Variants in KRT75 observed in about 807,000 individuals in gnomAD.
KRT75 encodes the protein keratin 75, also known as keratin, type II cytoskeletal 75.
KRT75 carries 35 observed loss-of-function variants against 48.8 expected under a neutral mutation model. The observed-to-expected ratio is 0.72, with a 90% CI of 0.55 to 0.95. KRT75 has a LOEUF of 0.95. Among genes scored for constraint, KRT75 ranks in the 40% least tolerant of loss-of-function variants. The probability of loss-of-function intolerance (pLI) is 0.00; values close to 1 mark genes in which losing one functional copy is unlikely to be tolerated. For missense variants in KRT75, 776 were observed against 709.9 expected, an observed-to-expected ratio of 1.09 and a Z score of -1.06; for synonymous variants, 301 against 282.3, an observed-to-expected ratio of 1.07 and a Z score of -0.66.
In KRT75 at chr12:52,433,679, G is replaced by A. The variant is rs1230563135; in HGVS notation, c.498+128C>T. On this transcript the variant is annotated intron_variant, in intron 1 of 8. Transcript: ENST00000252245. ...GACTTGGAAGGGTCTCAGCCCCTGG[G>A]AGCCCGTGCTGAACAGTGCTCATTC... 3.9e-5 allele frequency: 56 copies of A among 1,432,266 alleles called. No homozygotes were observed. The South Asian group carries it at 4.3e-4, about 11-fold the overall frequency. The allele number at this position is 1,432,266 out of a possible 1,614,324, so 88.7% of individuals were successfully genotyped here.
rs765349665 is a variant in KRT75 at position 52,433,178 on chromosome 12, A to T, written c.573T>A (p.Thr191=). The T allele has an allele frequency of 3.1e-6, 5 of 1,613,844 alleles. No homozygotes were observed. The highest frequency in any genetic ancestry group is 1.6e-4 in the Middle Eastern group (1 of 6,062). The stretch of plus-strand genomic sequence containing the variant: ...AGAGGGGCTCTAGGTTCTGCCTCAC[A>T]GTCCTGGAGCCCTGCTCCTGCAGGA... ...WALLQEQGSR[T]VRQNLEPLFD... Residue 191 remains threonine (T), a synonymous_variant, in exon 2 of 9, where the codon ACT becomes ACA. Transcript: ENST00000252245.
At chr12:52,431,687 C>T in intron 3 of KRT75, 49 bp from the exon 4 acceptor site, 1 of 1,342,766 alleles carries the variant, frequency 7.4e-7, no homozygotes, top group East Asian at 2.3e-5. Context: ...CCCCAAGTAT[C>T]TAGTCCAAAA....
Position 52,432,986 on chromosome 12 carries a change from C to T in KRT75, c.713+52G>A, listed in dbSNP as rs2232391. ...CCTTTGCACCTCTCTGGTCCTCACA[C>T]AAAGGAGCCTTCAGATGGCTGTGTG... On this transcript the variant is annotated intron_variant, in intron 2 of 8. Coordinates refer to ENST00000252245, the MANE Select transcript of KRT75 (RefSeq NM_004693.3). The T allele has an allele frequency of 3.0e-3, 4,815 of 1,583,376 alleles. 135 individuals are homozygous for T. The African/African-American group carries it at 0.058, about 19-fold the overall frequency.
chr12:52,425,876 G>C (rs1251235208), intron 8 of KRT75, among the ~76,000 whole-genome samples: 1 of 152,118 alleles, frequency 6.6e-6, no homozygotes, highest in Non-Finnish European at 1.5e-5. Flanking sequence ...GGTACTTTTT[G>C]CAACAGCCCT....
In KRT75 at chr12:52,434,264, C is replaced by G. The variant is rs146288298; in HGVS notation, c.41G>C (p.Arg14Pro). The G allele has an allele frequency of 6.3e-7, 1 of 1,585,938 alleles. No individual in the cohort carries two copies. The highest frequency in any genetic ancestry group is 8.5e-7 in the Non-Finnish European group (1 of 1,170,378). ...QSSITFQSGS[R>P]RGFSTTSAIT... ...GGCCGAGGTGGTGCTGAAGCCCCTG[C>G]GGCTGCCAGACTGGAAGGTGATGGA... The change falls in exon 1 of 9, where the codon CGC becomes CCC. Residue 14 changes from arginine to proline, a missense_variant. By Grantham distance (103) the Arg-to-Pro change is moderately radical. Coordinates refer to ENST00000252245, the MANE Select transcript of KRT75 (RefSeq NM_004693.3).
chr12:52,433,078 G>A lies in KRT75; in HGVS notation c.673C>T (p.Leu225=). 1.9e-6 allele frequency: 3 copies of A among 1,613,834 alleles called. No homozygotes were observed. The highest frequency in any genetic ancestry group is 2.5e-6 in the Non-Finnish European group (3 of 1,179,986). Residue 225 remains leucine, a synonymous_variant, in exon 2 of 9, where the codon CTG becomes TTG. Transcript: ENST00000252245. ...TTERGRLEAE[L]RNMQDVVEDF... Reference sequence around the variant, plus strand: ...TCCACAACATCCTGCATGTTCCTCAGTTCAGCTTCAAGCCTGCCCCTCTCG... The same window carrying A: ...TCCACAACATCCTGCATGTTCCTCAATTCAGCTTCAAGCCTGCCCCTCTCG...
chr12:52,431,403 C>G, intron 4 of KRT75, 140 bp downstream of exon 4: 1 of 737,538 alleles, frequency 1.4e-6, no homozygotes, highest in East Asian at 2.6e-5. Flanking sequence ...TCCCTGGTCC[C>G]CCTACCACCC....
At chr12:52,433,758 G>C in intron 1 of KRT75, 49 bp downstream of exon 1, 1 of 1,613,342 alleles carries the variant, frequency 6.2e-7, no homozygotes, top group Non-Finnish European at 8.5e-7. Flanking sequence ...GCCCTTCCAA[G>C]AGTTTATTTG....
rs298104 is a variant in KRT75, at chr12:52,424,720, T to G, written c.1453A>C (p.Ser485Arg). The change falls in exon 9 of 9, where the codon AGC becomes CGC. Residue 485 changes from serine to arginine, a missense_variant. Transcript: ENST00000252245. The stretch of plus-strand genomic sequence containing the variant: ...TTTCCACCTCCAATGCTGCTGCCGC[T>G]TCCATAGCCACTGGAAAGAGTAGAG... ...VTSTLSSGYGSGSSIGGGNLG... is the reference protein window; with the variant it reads ...VTSTLSSGYGRGSSIGGGNLG... 0.64 allele frequency: 1,028,440 copies of G among 1,613,206 alleles called. 329,330 individuals are homozygous for G. The highest frequency in any genetic ancestry group is 0.73 in the Admixed American group (43,998 of 59,998).
At position 52,428,665 on chromosome 12, in the gene KRT75, G is replaced by T. The variant is rs777276211; in HGVS notation, c.1114C>A (p.Arg372Ser). Residue 372 changes from arginine to serine, a missense_variant, in exon 6 of 9, where the codon CGC (arginine) becomes AGC (serine). Transcript: ENST00000252245. Reference sequence around the variant, plus strand: ...TCAGCTCTCAGCCTCTGGATCATGCGGTTCATTTCAGAGATCTCTTGTTTG... The same window carrying T: ...TCAGCTCTCAGCCTCTGGATCATGCTGTTCATTTCAGAGATCTCTTGTTTG... ...NTKQEISEMN[R>S]MIQRLRAEID... 5 of 1,614,170 alleles carry T rather than the reference G, an allele frequency of 3.1e-6. No homozygotes were observed. The highest frequency in any genetic ancestry group is 4.2e-6 in the Non-Finnish European group (5 of 1,180,030).
At chr12:52,426,766 T>TCCCCAA in intron 8 of KRT75, 51 bp downstream of exon 8, 1 of 1,579,306 alleles carries the variant, frequency 6.3e-7, no homozygotes, top group Non-Finnish European at 8.7e-7. Flanking sequence ...CACATCCCCA[T>TCCCCAA]CCCCTCTACC....
intron 8 of KRT75, among the ~76,000 whole-genome samples, chr12:52,426,179 G>A (rs143171620): frequency 2.6e-5 from 4 of 152,292 alleles, no homozygotes; most frequent in African/African-American, 4.8e-5. Context: ...TGAGCTCTGC[G>A]AATGACCACT....
chr12:52,431,701 G>T, intron 3 of KRT75, 63 bp from the exon 4 acceptor site: 1 of 1,248,250 alleles, frequency 8.0e-7, no homozygotes, highest in Non-Finnish European at 1.2e-6. Flanking sequence ...TCCAAAAGAA[G>T]CTGAGCAGAT....
In KRT75 at chr12:52,433,850, T is replaced by A. The variant is rs772885849; in HGVS notation, c.455A>T (p.Gln152Leu). The A allele has an allele frequency of 1.4e-5, 23 of 1,614,080 alleles. No individual in the cohort carries two copies. In the South Asian group the frequency reaches 2.3e-4, roughly 16 times the overall value. The change falls in exon 1 of 9, where the codon CAG (glutamine) becomes CTG (leucine). Residue 152 changes from glutamine to leucine, a missense_variant. Gln to Leu is a moderately radical substitution (Grantham distance 113, BLOSUM62 -2). Coordinates refer to ENST00000252245, the MANE Select transcript of KRT75 (RefSeq NM_004693.3). ...GAACTTATTGTTGAGGGTCTTGATC[T>A]GCTCGCGCTCCTCGGCCCGCACCCG... The part of the protein sequence containing the change: ...IQRVRAEERE[Q>L]IKTLNNKFAS...
intron 5 of KRT75, among the ~76,000 whole-genome samples, chr12:52,429,218 T>G (rs400719): frequency 0.61 from 92,615 of 151,940 alleles, 28,367 homozygotes; most frequent in Middle Eastern, 0.71. Flanking sequence ...GGTCCCTGGG[T>G]AGTTCCTGGT....
chr12:52,428,160 AAG>A, intron 7 of KRT75, 94 bp downstream of exon 7: 1 of 1,459,736 alleles, frequency 6.9e-7, no homozygotes, highest in Non-Finnish European at 9.6e-7. Context: ...CTTCCAGGAG[AAG>A]AAGGGGCTGC....
chr12:52,433,699 T>C, intron 1 of KRT75, 108 bp downstream of exon 1: 1 of 1,548,540 alleles, frequency 6.5e-7, no homozygotes, highest in East Asian at 2.2e-5. Flanking sequence ...TGAACAGTGC[T>C]CATTCCCACA....
Position 52,433,074 on chromosome 12 carries a change from C to T in KRT75, c.677G>A (p.Arg226Lys). ...ATCTTCCACAACATCCTGCATGTTCCTCAGTTCAGCTTCAAGCCTGCCCCT... is the reference window on the plus strand; with the variant it reads ...ATCTTCCACAACATCCTGCATGTTCTTCAGTTCAGCTTCAAGCCTGCCCCT... ...TERGRLEAEL[R>K]NMQDVVEDFK... The change falls in exon 2 of 9, where the codon AGG becomes AAG. Residue 226 changes from arginine to lysine, a missense_variant. Physicochemically the swap from Arg to Lys is conservative, Grantham distance 26. Coordinates refer to ENST00000252245, the MANE Select transcript of KRT75 (RefSeq NM_004693.3). 1 of 1,613,978 alleles carries T rather than the reference C, an allele frequency of 6.2e-7. No homozygotes were observed. Among genetic ancestry groups the T allele is most frequent in the Non-Finnish European group, 8.5e-7 (1 of 1,180,018 alleles).
rs745440904 is a variant in KRT75 at position 52,434,035 on chromosome 12, G to A, written c.270C>T (p.Asn90=). 4.3e-5 allele frequency: 70 copies of A among 1,613,950 alleles called. 1 individual carries two copies. Among genetic ancestry groups the A allele is most frequent in the South Asian group, 2.3e-4 (21 of 91,086 alleles). ...CRSGFGGRAS[N]RFGVNSGFGY... ...CAAATCCACTGTTGACTCCAAACCT[G>A]TTGCTGGCCCTGCCACCAAAGCCAC... Residue 90 remains asparagine (N), a synonymous_variant, in exon 1 of 9, where the codon AAC becomes AAT. Transcript: ENST00000252245.
Sources: allele counts gnomAD v4.1 joint callset (sites outside exome capture counted in the v4.1 genomes callset), GRCh38; gene constraint gnomAD v4.1.1; transcripts MANE v1.5; gene names NCBI Gene and HGNC (gene_info 2026-07-23, HGNC 2026-07-21).